RRAGD: variants seen among roughly 807,000 people sequenced by gnomAD.
RRAGD encodes the protein Ras related GTP binding D.
A neutral mutation model predicts 35.5 loss-of-function variants in RRAGD; 12 were observed. The observed-to-expected ratio is 0.34, with a 90% CI of 0.22 to 0.55. RRAGD has a LOEUF of 0.55. Among genes scored for constraint, RRAGD ranks in the 20% least tolerant of loss-of-function variants. The pLI is 0.91. For synonymous variants in RRAGD, 155 were observed against 178.9 expected (o/e 0.87, Z 1.07); for missense variants, 324 against 490.1 (o/e 0.66, Z 3.20).
chr6:89,367,780 TCACACGGGA>T lies in RRAGD; in HGVS notation c.*267_*275del, dbSNP rs1484680131. The T allele has an allele frequency of 3.1e-6, 1 of 318,572 alleles. No individual in the cohort carries two copies. The highest frequency in any genetic ancestry group is 2.1e-5 in the African/African-American group (1 of 46,900). The allele number at this position is 318,572 out of a possible 1,614,324, so 19.7% of individuals were successfully genotyped here. A position where few individuals can be genotyped will look rare whatever the true frequency, so the allele number is the denominator to read the frequency against. ...AAATATGTACAATTCCTGGCAGTTC[TCACACGGGA>T]TTTTTTTGACTACAGACCATAAAAG... On this transcript the variant is annotated 3_prime_UTR_variant, in exon 7 of 7. Transcript: ENST00000369415.
At chr6:89,397,644 C>T (rs1240955567) in intron 1 of RRAGD, among the ~76,000 whole-genome samples, 2 of 151,328 alleles carry the variant, frequency 1.3e-5, no homozygotes, top group Non-Finnish European at 2.9e-5. Context: ...CTGTAAACAA[C>T]CCAAAAGTCC....
At position 89,411,412 on chromosome 6, in the gene RRAGD, GCCGGCTGCC is replaced by G; in HGVS notation, c.148+425_148+433del. The G allele has an allele frequency of 6.4e-6, 1 of 155,442 alleles. No homozygotes were observed. Among genetic ancestry groups the G allele is most frequent in the South Asian group, 2.0e-4 (1 of 4,914 alleles). 9.6% of individuals were successfully genotyped at this position (155,442 alleles called of 1,614,324 possible). A position where few individuals can be genotyped will look rare whatever the true frequency, so the allele number is the denominator to read the frequency against. On this transcript the variant is annotated intron_variant, in intron 1 of 6. Transcript: ENST00000369415. The surrounding 1 kb of genome is among the most constrained non-coding windows in gnomAD (Gnocchi z 5.6). ...CGACGACCCTGCCAGTCACGCCGCCGCCGGCTGCCTTTTTTTAGCCACGACATCTGACCC... is the reference window on the plus strand; with the variant it reads ...CGACGACCCTGCCAGTCACGCCGCCGTTTTTTTAGCCACGACATCTGACCC...
At position 89,387,463 on chromosome 6, in the gene RRAGD, C is replaced by T; in HGVS notation, c.276G>A (p.Leu92=). The T allele has an allele frequency of 6.2e-7, 1 of 1,614,166 alleles. No individual in the cohort carries two copies. The highest frequency in any genetic ancestry group is 8.5e-7 in the Non-Finnish European group (1 of 1,180,028). ...VFHKMSPNET[L]FLESTNKICR... ...ATATCTTATTAGTGCTCTCCAAGAA[C>T]AGAGTTTCGTTGGGAGACATTTTGT... Residue 92 remains leucine, a synonymous_variant, in exon 2 of 7, where the codon CTG becomes CTA. Transcript: ENST00000369415.
intron 2 of RRAGD, 130 bp downstream of exon 2, chr6:89,387,165 G>C: frequency 1.1e-6 from 1 of 924,888 alleles, no homozygotes; most frequent in Non-Finnish European, 1.6e-6. Flanking sequence ...GGCAAAGTCT[G>C]AGAGCCCTGA....
At chr6:89,374,052 G>C (rs1768894584) in intron 5 of RRAGD, among the ~76,000 whole-genome samples, 1 of 152,172 alleles carries the variant, frequency 6.6e-6, no homozygotes, top group African/African-American at 2.4e-5. Flanking sequence ...TAACTGACCA[G>C]AAATTTGACT....
chr6:89,371,209 C>A (rs13212185), intron 6 of RRAGD, among the ~76,000 whole-genome samples: 1 of 151,660 alleles, frequency 6.6e-6, no homozygotes, highest in Non-Finnish European at 1.5e-5. Context: ...GAGAGAAGGG[C>A]CAGACGTGGT....
At chr6:89,389,564 A>G (rs1368359850) in intron 1 of RRAGD, among the ~76,000 whole-genome samples, 1 of 151,832 alleles carries the variant, frequency 6.6e-6, no homozygotes, top group Non-Finnish European at 1.5e-5. Context: ...TCAAAAAAAA[A>G]AAAAAAAAAA....
At chr6:89,376,764 G>A (rs1271579748) in intron 5 of RRAGD, among the ~76,000 whole-genome samples, 2 of 152,128 alleles carry the variant, frequency 1.3e-5, no homozygotes, top group Non-Finnish European at 2.9e-5. Context: ...TCAGGAATCA[G>A]ATCTGAGTTG....
intron 1 of RRAGD, among the ~76,000 whole-genome samples, chr6:89,407,260 C>CT (rs1474131278): frequency 6.6e-6 from 1 of 152,052 alleles, no homozygotes; most frequent in East Asian, 1.9e-4. Flanking sequence ...CAAGAGAACT[C>CT]TAAGGCTCTG....
At chr6:89,386,962 CAT>C (rs750553512) in intron 2 of RRAGD, among the ~76,000 whole-genome samples, 27 of 152,268 alleles carry the variant, frequency 1.8e-4, no homozygotes, top group Middle Eastern at 3.4e-3. Context: ...AATTTATACA[CAT>C]GTTTTTGTTG....
rs139430301 is a variant in RRAGD, at chr6:89,392,756, G to A, written c.149-5166C>T. Among the ~76,000 whole-genome samples, 616 of 152,196 alleles carry A rather than the reference G, an allele frequency of 4.0e-3. 4 individuals are homozygous for A. Among genetic ancestry groups the A allele is most frequent in the African/African-American group, 0.014 (573 of 41,518 alleles). ...ACTTTGATGTTTGAATTTGCAATAG[G>A]TGTAGGCAAACATACATATTTCAGA... On this transcript the variant is annotated intron_variant, in intron 1 of 6. Coordinates refer to ENST00000369415, the MANE Select transcript of RRAGD (RefSeq NM_021244.5).
intron 1 of RRAGD, among the ~76,000 whole-genome samples, chr6:89,406,970 C>A (rs539939253): frequency 6.6e-6 from 1 of 152,194 alleles, no homozygotes; most frequent in Non-Finnish European, 1.5e-5. Flanking sequence ...GGGGGACAAG[C>A]GAACTTTTCC....
intron 5 of RRAGD, among the ~76,000 whole-genome samples, chr6:89,373,868 A>G (rs1768892506): frequency 6.6e-6 from 1 of 152,196 alleles, no homozygotes; most frequent in South Asian, 2.1e-4. Flanking sequence ...CATAAAATAC[A>G]CACTTATTAT....
intron 2 of RRAGD, among the ~76,000 whole-genome samples, chr6:89,384,782 C>T (rs1027475227): frequency 1.3e-5 from 2 of 149,618 alleles, no homozygotes; most frequent in Non-Finnish European, 3.0e-5. Context: ...CCACTGGACT[C>T]CAGCTTAGGC....
intron 5 of RRAGD, 140 bp from the exon 6 acceptor site, chr6:89,372,725 G>T: frequency 1.3e-6 from 1 of 750,216 alleles, no homozygotes; most frequent in Non-Finnish European, 2.1e-6. Flanking sequence ...CAGCAAAAGA[G>T]CTCAGAAACA....
intron 6 of RRAGD, among the ~76,000 whole-genome samples, chr6:89,371,461 C>T (rs1255803979): frequency 6.6e-6 from 1 of 151,900 alleles, no homozygotes; most frequent in East Asian, 1.9e-4. Context: ...TGCACTCCAG[C>T]CTAAGTAACA....
Position 89,411,711 on chromosome 6 carries a change from C to T in RRAGD, c.148+135G>A. 2.0e-6 allele frequency: 2 copies of T among 1,023,132 alleles called. No individual in the cohort carries two copies. The highest frequency in any genetic ancestry group is 1.7e-5 in the African/African-American group (1 of 60,208). 63.4% of individuals were successfully genotyped at this position (1,023,132 alleles called of 1,614,324 possible). On this transcript the variant is annotated intron_variant, in intron 1 of 6. Coordinates refer to ENST00000369415, the MANE Select transcript of RRAGD (RefSeq NM_021244.5). This position sits in a 1 kb window ranked among gnomAD's most constrained non-coding sequence, Gnocchi z 5.6. ...GTCGGGCTTTTGGCGTCCCTCCCCA[C>T]CCCAAACCCTCAACTGGACCCGCTC...
chr6:89,367,885 G>C lies in RRAGD; in HGVS notation c.*171C>G, dbSNP rs1340387863. On this transcript the variant is annotated 3_prime_UTR_variant, in exon 7 of 7. Transcript: ENST00000369415. ...AATATACAAGTTTTTGCTTCAAAGTGCTTACTTTATTTATAAAAGAGAAGA... is the reference window on the plus strand; with the variant it reads ...AATATACAAGTTTTTGCTTCAAAGTCCTTACTTTATTTATAAAAGAGAAGA... 2.0e-6 allele frequency: 1 copy of C among 501,274 alleles called. No individual in the cohort carries two copies. Among genetic ancestry groups the C allele is most frequent in the Non-Finnish European group, 3.3e-6 (1 of 301,080 alleles). The allele number at this position is 501,274 out of a possible 1,614,324, so 31.1% of individuals were successfully genotyped here. A position where few individuals can be genotyped will look rare whatever the true frequency, so the allele number is the denominator to read the frequency against.
chr6:89,403,432 A>G (rs1012429557), intron 1 of RRAGD, among the ~76,000 whole-genome samples: 4 of 151,870 alleles, frequency 2.6e-5, no homozygotes, highest in Non-Finnish European at 5.9e-5. Context: ...GCGACAGAGC[A>G]AGACTCTGTC....
Sources: allele counts gnomAD v4.1 joint callset (sites outside exome capture counted in the v4.1 genomes callset), GRCh38; gene constraint gnomAD v4.1.1; non-coding constraint Gnocchi (gnomAD v3.1); transcripts MANE v1.5; gene names NCBI Gene and HGNC (gene_info 2026-07-23, HGNC 2026-07-21).